The following ASPHD2 variants were observed in gnomAD, a reference collection of about 807,000 sequenced individuals.
ASPHD2 encodes aspartate beta-hydroxylase domain containing 2.
In ASPHD2, 12 loss-of-function variants were observed where a neutral mutation model predicts 34.6. The ratio of observed to expected loss-of-function variants is 0.35; its 90% CI spans 0.22 to 0.56. The LOEUF is 0.56. ASPHD2 is among the 20% of genes least tolerant of loss of function. The pLI is 0.87. For missense variants in ASPHD2, 375 were observed against 505.0 expected, an observed-to-expected ratio of 0.74 and a Z score of 2.47; for synonymous variants, 224 against 212.2, an observed-to-expected ratio of 1.06 and a Z score of -0.48.
intron 1 of ASPHD2, among the ~76,000 whole-genome samples, chr22:26,432,616 C>A (rs2084764403): frequency 1.3e-5 from 2 of 152,204 alleles, no homozygotes; most frequent in Admixed American, 1.3e-4. Flanking sequence ...TGGCAAAGCA[C>A]TTCTGGCTGT....
Position 26,438,494 on chromosome 22 carries a change from C to CATATAT in ASPHD2, c.887-3964_887-3963insTATATA, listed in dbSNP as rs201240604. ...ACATATATATACATATATATAGATA[C>CATATAT]ACACATACATATATATACATACATA... On this transcript the variant is annotated intron_variant, in intron 2 of 3. Coordinates refer to ENST00000215906, the MANE Select transcript of ASPHD2 (RefSeq NM_020437.5). Among the ~76,000 whole-genome samples, 173 of 65,272 alleles carry CATATAT rather than the reference C, an allele frequency of 2.7e-3. 1 individual carries two copies. Among genetic ancestry groups the CATATAT allele is most frequent in the Non-Finnish European group, 3.9e-3 (125 of 32,018 alleles). 42.8% of individuals were successfully genotyped at this position (65,272 alleles called of 152,430 possible). A position where few individuals can be genotyped will look rare whatever the true frequency, so the allele number is the denominator to read the frequency against.
At position 26,433,516 on chromosome 22, in the gene ASPHD2, C is replaced by A; in HGVS notation, c.-100C>A. On this transcript the variant is annotated 5_prime_UTR_variant, in exon 2 of 4. Transcript: ENST00000215906. This position sits in a 1 kb window ranked among gnomAD's most constrained non-coding sequence, Gnocchi z 5.1. ...AAAGTGGAGCAGTGGGCACGGCCAA[C>A]CTTGTCGTTCATCAATGCCGCCCCT... 1.1e-6 allele frequency: 1 copy of A among 914,728 alleles called. No homozygotes were observed. The highest frequency in any genetic ancestry group is 1.7e-5 in the African/African-American group (1 of 59,960). The allele number at this position is 914,728 out of a possible 1,614,324, so 56.7% of individuals were successfully genotyped here.
At chr22:26,432,603 A>G (rs1472009660) in intron 1 of ASPHD2, among the ~76,000 whole-genome samples, 5 of 152,228 alleles carry the variant, frequency 3.3e-5, no homozygotes, top group Non-Finnish European at 7.4e-5. Context: ...CCAGCTAGGT[A>G]AGTGGCAAAG....
At position 26,433,376 on chromosome 22, in the gene ASPHD2, T is replaced by TC; in HGVS notation, c.-224-16_-224-15insC. 1 of 546,982 alleles carries TC rather than the reference T, an allele frequency of 1.8e-6. No homozygotes were observed. Among genetic ancestry groups the TC allele is most frequent in the Non-Finnish European group, 3.2e-6 (1 of 311,944 alleles). 33.9% of individuals were successfully genotyped at this position (546,982 alleles called of 1,614,324 possible). ...CCAGGTGTAAAATTTATGCTGATTTTTTTTTTCCATCCCAGGTTTGGTTTT... is the reference window on the plus strand; with the variant it reads ...CCAGGTGTAAAATTTATGCTGATTTTCTTTTTTCCATCCCAGGTTTGGTTTT... On this transcript the variant is annotated splice_polypyrimidine_tract_variant and intron_variant, in intron 1 of 3. Coordinates refer to ENST00000215906, the MANE Select transcript of ASPHD2 (RefSeq NM_020437.5). The surrounding 1 kb of genome is among the most constrained non-coding windows in gnomAD (Gnocchi z 5.1).
chr22:26,436,528 C>T lies in ASPHD2; in HGVS notation c.886+2027C>T, dbSNP rs115672094. Reference sequence around the variant, plus strand: ...ATCATCCCCTGGGGCTTGGGGAAGCCGGGTCTAGGCTTGCTGGGGAGGCCA... The same window carrying T: ...ATCATCCCCTGGGGCTTGGGGAAGCTGGGTCTAGGCTTGCTGGGGAGGCCA... On this transcript the variant is annotated intron_variant, in intron 2 of 3. Coordinates refer to ENST00000215906, the MANE Select transcript of ASPHD2 (RefSeq NM_020437.5). 4.1e-3 allele frequency among the ~76,000 whole-genome samples: 622 copies of T among 152,178 alleles called. 5 individuals are homozygous for T. The highest frequency in any genetic ancestry group is 0.013 in the African/African-American group (520 of 41,522).
In ASPHD2 at chr22:26,434,279, A is replaced by G. The variant is rs755366536; in HGVS notation, c.664A>G (p.Ser222Gly). The change falls in exon 2 of 4, where the codon AGC (serine) becomes GGC (glycine). Residue 222 changes from serine to glycine, a missense_variant. Physicochemically the swap from Ser to Gly is moderately conservative, Grantham distance 56. This residue lies in a region of ASPHD2 where 142 missense variants were observed against 217.9 expected (regional missense o/e 0.65). Transcript: ENST00000215906. ...CCTCCCGCAAGGATGGAAAATGAACAGCACCCCCAGCGGGGAGTGGTTCAC... is the reference window on the plus strand; with the variant it reads ...CCTCCCGCAAGGATGGAAAATGAACGGCACCCCCAGCGGGGAGTGGTTCAC... ...CSLPQGWKMN[S>G]TPSGEWFTFY... 19 of 1,614,218 alleles carry G rather than the reference A, an allele frequency of 1.2e-5. No individual in the cohort carries two copies. The South Asian group carries it at 2.1e-4, about 18-fold the overall frequency.
In ASPHD2 at chr22:26,434,260, G is replaced by C. The variant is rs754364586; in HGVS notation, c.645G>C (p.Pro215=). 2 of 1,614,062 alleles carry C rather than the reference G, an allele frequency of 1.2e-6. No individual in the cohort carries two copies. The highest frequency in any genetic ancestry group is 2.7e-5 in the African/African-American group (2 of 74,922). Residue 215 remains proline, a synonymous_variant, in exon 2 of 4, where the codon CCG becomes CCC. Coordinates refer to ENST00000215906, the MANE Select transcript of ASPHD2 (RefSeq NM_020437.5). The part of the protein sequence containing the change: ...LYKAFSNCSL[P]QGWKMNSTPS... ...AAGCTTTCTCAAACTGCAGCCTCCC[G>C]CAAGGATGGAAAATGAACAGCACCC...
chr22:26,436,099 C>T (rs2084790716), intron 2 of ASPHD2, among the ~76,000 whole-genome samples: 1 of 152,180 alleles, frequency 6.6e-6, no homozygotes, highest in Non-Finnish European at 1.5e-5. Flanking sequence ...AAGACATAGA[C>T]CCTGCCCCCA....
At chr22:26,431,954 G>A (rs2084759161) in intron 1 of ASPHD2, among the ~76,000 whole-genome samples, 2 of 152,332 alleles carry the variant, frequency 1.3e-5, no homozygotes, top group South Asian at 4.1e-4. Context: ...CCAACACTTT[G>A]GGAGGCTGAG....
chr22:26,438,157 CCTGCAGAGAA>C (rs1186154840), intron 2 of ASPHD2, among the ~76,000 whole-genome samples: 1 of 152,084 alleles, frequency 6.6e-6, no homozygotes, highest in Non-Finnish European at 1.5e-5. Flanking sequence ...GGTGGCTGTC[CCTGCAGAGAA>C]CTGCCCATTC....
Position 26,442,500 on chromosome 22 carries a change from G to C in ASPHD2, c.928G>C (p.Glu310Gln). The C allele has an allele frequency of 6.2e-7, 1 of 1,609,756 alleles. No individual in the cohort carries two copies. The highest frequency in any genetic ancestry group is 8.5e-7 in the Non-Finnish European group (1 of 1,178,148). Reference protein sequence around the residue: ...PNGCELVVGGEPQCWAEGRCL... With the variant: ...PNGCELVVGGQPQCWAEGRCL... ...TGGCTGTGAGCTGGTGGTGGGGGGAGAGCCCCAGTGCTGGGCAGAAGGGCG... is the reference window on the plus strand; with the variant it reads ...TGGCTGTGAGCTGGTGGTGGGGGGACAGCCCCAGTGCTGGGCAGAAGGGCG... The change falls in exon 3 of 4, where the codon GAG becomes CAG. Residue 310 changes from glutamate to glutamine, a missense_variant. Transcript: ENST00000215906.
chr22:26,430,556 G>C (rs902713552), intron 1 of ASPHD2, among the ~76,000 whole-genome samples: 4 of 152,206 alleles, frequency 2.6e-5, no homozygotes, highest in South Asian at 2.1e-4. Flanking sequence ...AGGAGCTGTC[G>C]GGGGAGAGAG....
At position 26,434,419 on chromosome 22, in the gene ASPHD2, C is replaced by T. The variant is rs1330205106; in HGVS notation, c.804C>T (p.Asn268=). The T allele has an allele frequency of 8.1e-6, 13 of 1,614,142 alleles. No individual in the cohort carries two copies. The highest frequency in any genetic ancestry group is 2.2e-5 in the East Asian group (1 of 44,870). ...GTATTGGGAACAATGTTTTTGGGAA[C>T]GCGTGCATCTCTGTGCTGAGCCCTG... The part of the protein sequence containing the change: ...RTCIGNNVFG[N]ACISVLSPGT... Residue 268 remains asparagine, a synonymous_variant, in exon 2 of 4, where the codon AAC becomes AAT. Transcript: ENST00000215906.
Position 26,433,954 on chromosome 22 carries a change from C to A in ASPHD2, c.339C>A (p.Cys113Ter). 6.2e-7 allele frequency: 1 copy of A among 1,613,460 alleles called. No homozygotes were observed. Among genetic ancestry groups the A allele is most frequent in the Non-Finnish European group, 8.5e-7 (1 of 1,179,992 alleles). The change falls in exon 2 of 4, where the codon TGC (cysteine) becomes TGA (stop). Residue 113 changes from cysteine (C) to a stop codon, truncating the protein, a stop_gained. Transcript: ENST00000215906. LOFTEE classifies it high-confidence loss of function. The surrounding 1 kb of genome is among the most constrained non-coding windows in gnomAD (Gnocchi z 5.1). The stretch of plus-strand genomic sequence containing the variant: ...ACGTGTACTGCCAGTCCCCTGAGTG[C>A]GTGCGCTGCACCCACAACGAGGGCC... ...NGYVYCQSPECVRCTHNEGLN... is the reference protein window; with the variant it reads ...NGYVYCQSPE
rs763714842 is a variant in ASPHD2, at chr22:26,433,947, C to G, written c.332C>G (p.Pro111Arg). The G allele has an allele frequency of 6.2e-7, 1 of 1,613,616 alleles. No individual in the cohort carries two copies. The highest frequency in any genetic ancestry group is 8.5e-7 in the Non-Finnish European group (1 of 1,180,036). ...AATGGCTACGTGTACTGCCAGTCCC[C>G]TGAGTGCGTGCGCTGCACCCACAAC... Reference protein sequence around the residue: ...LQNGYVYCQSPECVRCTHNEG... With the variant: ...LQNGYVYCQSRECVRCTHNEG... The change falls in exon 2 of 4, where the codon CCT becomes CGT. Residue 111 changes from proline (P) to arginine (R), a missense_variant. This residue lies in a region of ASPHD2 where 223 missense variants were observed against 257.8 expected (regional missense o/e 0.87). Coordinates refer to ENST00000215906, the MANE Select transcript of ASPHD2 (RefSeq NM_020437.5). This position sits in a 1 kb window ranked among gnomAD's most constrained non-coding sequence, Gnocchi z 5.1.
Position 26,443,153 on chromosome 22 carries a change from G to A in ASPHD2, c.1057G>A (p.Val353Ile), listed in dbSNP as rs556033981. 12 of 1,614,142 alleles carry A rather than the reference G, an allele frequency of 7.4e-6. No individual in the cohort carries two copies. The highest frequency in any genetic ancestry group is 1.6e-4 in the Middle Eastern group (1 of 6,062). Reference protein sequence around the residue: ...VFMVDLWHPNVAAAERQALDF... With the variant: ...VFMVDLWHPNIAAAERQALDF... ...CATGGTGGATTTGTGGCATCCAAAC[G>A]TCGCAGCGGCCGAACGGCAGGCTCT... is the stretch of plus-strand genomic sequence containing the variant. Residue 353 changes from valine to isoleucine, a missense_variant, in exon 4 of 4, where the codon GTC (valine) becomes ATC (isoleucine). By Grantham distance (29) the Val-to-Ile change is conservative (BLOSUM62 3). Transcript: ENST00000215906.
At chr22:26,437,499 C>T (rs13057993) in intron 2 of ASPHD2, among the ~76,000 whole-genome samples, 5,906 of 152,264 alleles carry the variant, frequency 0.039, 146 homozygotes, top group Non-Finnish European at 0.052. Context: ...CACTCAGCAT[C>T]GTACACAATG....
chr22:26,437,489 C>T (rs13057979), intron 2 of ASPHD2, among the ~76,000 whole-genome samples: 8,098 of 152,270 alleles, frequency 0.053, 249 homozygotes, highest in African/African-American at 0.072. Context: ...GCCCACCCCC[C>T]ACTCAGCATC....
At position 26,434,064 on chromosome 22, in the gene ASPHD2, G is replaced by T. The variant is rs757287147; in HGVS notation, c.449G>T (p.Arg150Leu). The change falls in exon 2 of 4, where the codon CGC becomes CTC. Residue 150 changes from arginine to leucine, a missense_variant. Arg to Leu is a moderately radical substitution (Grantham distance 102, BLOSUM62 -2). Transcript: ENST00000215906. Reference sequence around the variant, plus strand: ...ATGGGCCGCATCCACAAGGGCATCCGCGAGCAGGGCCGGTACCTCAACAGC... The same window carrying T: ...ATGGGCCGCATCCACAAGGGCATCCTCGAGCAGGGCCGGTACCTCAACAGC... ...SGMGRIHKGI[R>L]EQGRYLNSRP... The T allele has an allele frequency of 6.2e-7, 1 of 1,613,314 alleles. No homozygotes were observed. Among genetic ancestry groups the T allele is most frequent in the Admixed American group, 1.7e-5 (1 of 59,942 alleles).
Sources: allele counts gnomAD v4.1 joint callset (sites outside exome capture counted in the v4.1 genomes callset), GRCh38; gene constraint gnomAD v4.1.1; regional missense constraint gnomAD v4.1.1; non-coding constraint Gnocchi (gnomAD v3.1); transcripts MANE v1.5; gene names NCBI Gene and HGNC (gene_info 2026-07-23, HGNC 2026-07-21).